Variants in HOOK3 observed in about 807,000 individuals in gnomAD.
HOOK3 encodes protein Hook homolog 3.
In HOOK3, 24 loss-of-function variants were observed where a neutral mutation model predicts 116.3. The observed-to-expected ratio is 0.21, with a 90% CI of 0.15 to 0.29. HOOK3 has a LOEUF of 0.29. HOOK3 is among the 10% of genes least tolerant of loss of function. The pLI, the probability that HOOK3 is intolerant of heterozygous loss-of-function variation, is 1.00. For synonymous variants in HOOK3, 275 were observed against 283.0 expected, an observed-to-expected ratio of 0.97 and a Z score of 0.28; for missense variants, 632 against 830.2, an observed-to-expected ratio of 0.76 and a Z score of 2.93.
intron 8 of HOOK3, 23 bp from the exon 9 acceptor site, chr8:42,964,288 G>T (rs1220232341): frequency 3.1e-6 from 5 of 1,612,336 alleles, no homozygotes; most frequent in African/African-American, 1.3e-5. Flanking sequence ...AGAAATAACT[G>T]CCGTCGTCCT....
intron 16 of HOOK3, chr8:42,997,983 G>T: frequency 4.1e-6 from 1 of 243,450 alleles, no homozygotes; most frequent in East Asian, 1.2e-4. Context: ...AATTTGGAGT[G>T]TTCAAGTAGA....
chr8:43,003,602 AC>A (rs1200974563), intron 17 of HOOK3, among the ~76,000 whole-genome samples: 1 of 152,208 alleles, frequency 6.6e-6, no homozygotes, highest in Non-Finnish European at 1.5e-5. Context: ...TCTTATAGCT[AC>A]CATGTCAAAT....
intron 2 of HOOK3, among the ~76,000 whole-genome samples, chr8:42,915,442 A>T (rs1427653993): frequency 6.6e-6 from 1 of 151,926 alleles, no homozygotes; most frequent in Non-Finnish European, 1.5e-5. Context: ...TATTATTATT[A>T]TTTTTAAAGA....
At chr8:42,901,312 C>T (rs1036187844) in intron 1 of HOOK3, among the ~76,000 whole-genome samples, 18 of 152,142 alleles carry the variant, frequency 1.2e-4, no homozygotes, top group Non-Finnish European at 1.0e-4. Context: ...CAGTTAAGTG[C>T]AATTGTCTTT....
chr8:42,909,839 A>C (rs552969854), intron 2 of HOOK3, among the ~76,000 whole-genome samples: 30 of 152,360 alleles, frequency 2.0e-4, no homozygotes, highest in African/African-American at 7.0e-4. Flanking sequence ...TAAATAAGCC[A>C]GGGACAGAAA....
Position 42,896,999 on chromosome 8 carries a change from C to T in HOOK3, c.-133C>T. ...GTGCGGAGCCGCTGCCAGCGCTGGG[C>T]GAGAGTCGGCGGCCGGATCCGAGGA... is the stretch of plus-strand genomic sequence containing the variant. On this transcript the variant is annotated 5_prime_UTR_variant, in exon 1 of 22. Transcript: ENST00000307602. 1.8e-6 allele frequency: 1 copy of T among 552,420 alleles called. No individual in the cohort carries two copies. Among genetic ancestry groups the T allele is most frequent in the Non-Finnish European group, 2.7e-6 (1 of 367,728 alleles). 34.2% of individuals were successfully genotyped at this position (552,420 alleles called of 1,614,324 possible). A position where few individuals can be genotyped will look rare whatever the true frequency, so the allele number is the denominator to read the frequency against.
rs1809833838 is a variant in HOOK3, at chr8:43,021,742, C to T, written c.*3244C>T. On this transcript the variant is annotated 3_prime_UTR_variant, in exon 22 of 22. Coordinates refer to ENST00000307602, the MANE Select transcript of HOOK3 (RefSeq NM_032410.4). ...GGAGTGCAGTGGCGCGATCTCGGCT[C>T]ACTGCAAGCTCCGCCTCCCGGGTTC... 6.3e-6 allele frequency: 1 copy of T among 158,334 alleles called. No individual in the cohort carries two copies. Among genetic ancestry groups the T allele is most frequent in the South Asian group, 2.1e-4 (1 of 4,812 alleles). The allele number at this position is 158,334 out of a possible 1,614,324, so 9.8% of individuals were successfully genotyped here.
chr8:43,012,123 A>G (rs571088981), intron 19 of HOOK3, among the ~76,000 whole-genome samples: 4 of 152,320 alleles, frequency 2.6e-5, no homozygotes, highest in African/African-American at 9.6e-5. Context: ...AGAGTAGACC[A>G]CTGTCAGTAG....
At chr8:42,966,075 T>A (rs74303709) in intron 9 of HOOK3, among the ~76,000 whole-genome samples, 5 of 152,136 alleles carry the variant, frequency 3.3e-5, no homozygotes, top group Admixed American at 3.3e-4. Context: ...CTCTTCTCAC[T>A]TTTTTTGTTT....
At chr8:42,997,665 T>C in intron 16 of HOOK3, 28 bp downstream of exon 16, 2 of 1,153,716 alleles carry the variant, frequency 1.7e-6, no homozygotes, top group Non-Finnish European at 2.6e-6. Flanking sequence ...CCAACGATGG[T>C]CCATCAGTTT....
At chr8:42,908,506 T>G (rs140234312) in intron 2 of HOOK3, among the ~76,000 whole-genome samples, 7 of 152,296 alleles carry the variant, frequency 4.6e-5, no homozygotes, top group African/African-American at 1.7e-4. Flanking sequence ...AAGGAACCCA[T>G]ACATCTATAG....
At chr8:42,898,145 A>C (rs1485358525) in intron 1 of HOOK3, among the ~76,000 whole-genome samples, 1 of 152,242 alleles carries the variant, frequency 6.6e-6, no homozygotes, top group Non-Finnish European at 1.5e-5. Flanking sequence ...TGGAGTGTAG[A>C]CGTCACGATC....
rs888132945 is a variant in HOOK3 at position 43,023,893 on chromosome 8, C to G, written c.*5395C>G. The G allele has an allele frequency of 5.0e-6, 1 of 201,852 alleles. No individual in the cohort carries two copies. The highest frequency in any genetic ancestry group is 2.3e-5 in the African/African-American group (1 of 43,716). 12.5% of individuals were successfully genotyped at this position (201,852 alleles called of 1,614,324 possible). ...TTTAATGATAACAGCATGTTAAAAA[C>G]TTGGAAGTCTTTATCCCAATATAAG... On this transcript the variant is annotated 3_prime_UTR_variant, in exon 22 of 22. Transcript: ENST00000307602.
chr8:42,930,020 A>T, intron 3 of HOOK3, 102 bp from the exon 4 acceptor site: 1 of 973,854 alleles, frequency 1.0e-6, no homozygotes, highest in Non-Finnish European at 1.5e-6. Flanking sequence ...TATTTACTTT[A>T]TGATTAACTG....
intron 4 of HOOK3, among the ~76,000 whole-genome samples, chr8:42,936,947 A>G (rs1337002407): frequency 6.6e-6 from 1 of 152,142 alleles, no homozygotes; most frequent in Non-Finnish European, 1.5e-5. Context: ...GTTGTTTGGA[A>G]TAGTTTCAGA....
intron 4 of HOOK3, among the ~76,000 whole-genome samples, chr8:42,937,398 G>C (rs1454614127): frequency 1.8e-5 from 2 of 111,060 alleles, no homozygotes; most frequent in African/African-American, 3.6e-5. Context: ...CTTCAGTTCT[G>C]CTCTGATCTT....
intron 6 of HOOK3, 132 bp from the exon 7 acceptor site, chr8:42,956,962 G>T (rs1380832872): frequency 4.2e-6 from 2 of 474,010 alleles, no homozygotes; most frequent in African/African-American, 2.0e-5. Flanking sequence ...AATGCAAAGT[G>T]TTTTACATGC....
intron 5 of HOOK3, among the ~76,000 whole-genome samples, chr8:42,948,533 C>A (rs1217795752): frequency 6.6e-6 from 1 of 152,176 alleles, no homozygotes; most frequent in African/African-American, 2.4e-5. Context: ...AACCCCTCAC[C>A]CCTCGAGTCC....
intron 1 of HOOK3, among the ~76,000 whole-genome samples, chr8:42,902,134 C>T (rs1406390388): frequency 6.6e-6 from 1 of 152,106 alleles, no homozygotes; most frequent in Non-Finnish European, 1.5e-5. Context: ...TGCTTTGGAT[C>T]ATAGGATTCC....
Sources: gnomAD v4.1 joint callset for allele counts (sites outside exome capture counted in the v4.1 genomes callset) on GRCh38, gnomAD v4.1.1 for gene constraint, MANE v1.5 for transcripts, NCBI Gene and HGNC (gene_info 2026-07-23, HGNC 2026-07-21) for gene names.